The following HPX variants were observed in gnomAD, a reference collection of about 807,000 sequenced individuals.
HPX encodes the protein hemopexin.
A neutral mutation model predicts 53.8 loss-of-function variants in HPX; 42 were observed. The observed-to-expected ratio is 0.78, with a 90% CI of 0.61 to 1.01. The LOEUF is 1.01. Among genes scored for constraint, HPX ranks in the 50% least tolerant of loss-of-function variants. HPX has a pLI of 0.00. For synonymous variants in HPX, 229 were observed against 221.1 expected, an observed-to-expected ratio of 1.04 and a Z score of -0.32; for missense variants, 547 against 594.3, an observed-to-expected ratio of 0.92 and a Z score of 0.83.
chr11:6,434,028 T>G (rs533292093), intron 7 of HPX, among the ~76,000 whole-genome samples: 1 of 152,332 alleles, frequency 6.6e-6, no homozygotes, highest in South Asian at 2.1e-4. Context: ...ACCCTTAATA[T>G]TACCTAAAAT....
chr11:6,432,074 G>A (rs1849358395), intron 7 of HPX, 57 bp from the exon 8 acceptor site: 3 of 1,600,086 alleles, frequency 1.9e-6, no homozygotes, highest in Non-Finnish European at 2.6e-6. Context: ...GCAGAGAAGA[G>A]GCTAGTGATG....
intron 7 of HPX, among the ~76,000 whole-genome samples, chr11:6,436,809 G>T (rs1849422908): frequency 6.6e-6 from 1 of 152,228 alleles, no homozygotes; most frequent in Admixed American, 6.5e-5. Flanking sequence ...TCCACAGGGG[G>T]CACAGCCATG....
At chr11:6,433,628 T>C (rs994458007) in intron 7 of HPX, among the ~76,000 whole-genome samples, 1 of 152,280 alleles carries the variant, frequency 6.6e-6, no homozygotes, top group African/African-American at 2.4e-5. Context: ...CTTGCTTACA[T>C]GCTTGTACTT....
At position 6,431,183 on chromosome 11, in the gene HPX, C is replaced by T; in HGVS notation, c.*28G>A. On this transcript the variant is annotated 3_prime_UTR_variant, in exon 10 of 10. Coordinates refer to ENST00000265983, the MANE Select transcript of HPX (RefSeq NM_000613.3). Reference sequence around the variant, plus strand: ...TATTATGAGGAACTAGGAGGTGGGGCCAGGCCAGACTCATGTCAGAAGGCC... The same window carrying T: ...TATTATGAGGAACTAGGAGGTGGGGTCAGGCCAGACTCATGTCAGAAGGCC... 1.9e-6 allele frequency: 3 copies of T among 1,612,894 alleles called. No individual in the cohort carries two copies. The highest frequency in any genetic ancestry group is 2.5e-6 in the Non-Finnish European group (3 of 1,179,220).
At chr11:6,439,186 G>GC (rs761368943) in intron 4 of HPX, among the ~76,000 whole-genome samples, 1 of 152,224 alleles carries the variant, frequency 6.6e-6, no homozygotes, top group Non-Finnish European at 1.5e-5. Flanking sequence ...GGAGCAGCAT[G>GC]CAGAGCCCAA....
rs200490788 is a variant in HPX at position 6,440,196 on chromosome 11, C to T, written c.305G>A (p.Arg102His). The T allele has an allele frequency of 2.8e-5, 45 of 1,613,960 alleles. 1 individual carries two copies. The South Asian group carries it at 4.0e-4, about 14-fold the overall frequency. The change falls in exon 4 of 10, where the codon CGT becomes CAT. Residue 102 changes from arginine (R) to histidine (H), a missense_variant. Physicochemically the swap from Arg to His is conservative, Grantham distance 29 (BLOSUM62 0). Coordinates refer to ENST00000265983, the MANE Select transcript of HPX (RefSeq NM_000613.3). ...CAGAAAGACACTGTTGTGACCTTGA[C>T]GGAATGCAGCATCCACAGGGCTGGG... ...NFPSPVDAAF[R>H]QGHNSVFLIK... is the part of the protein sequence containing the mutation.
Position 6,431,874 on chromosome 11 carries a change from C to T in HPX, c.966+13G>A, listed in dbSNP as rs1849354514. On this transcript the variant is annotated intron_variant, in intron 8 of 9. Transcript: ENST00000265983. ...TCCCAGTCTCTACCTCAAGCCTCTC[C>T]CCCAATACACACCTGGACCAGATAG... 1 of 1,614,084 alleles carries T rather than the reference C, an allele frequency of 6.2e-7. No homozygotes were observed. The highest frequency in any genetic ancestry group is 8.5e-7 in the Non-Finnish European group (1 of 1,180,020).
rs749705104 is a variant in HPX, at chr11:6,437,579, G to A, written c.564C>T (p.Cys188=). The change falls in exon 6 of 10, where the codon TGC becomes TGT. Residue 188 remains cysteine, a synonymous_variant. Coordinates refer to ENST00000265983, the MANE Select transcript of HPX (RefSeq NM_000613.3). ...GGCCCAGCCATCTCAGGGCAGAGGAGCAGTTCCCAACAGCTGGCCAGGAAC... is the reference window on the plus strand; with the variant it reads ...GGCCCAGCCATCTCAGGGCAGAGGAACAGTTCCCAACAGCTGGCCAGGAAC... ...KERSWPAVGN[C]SSALRWLGRY... 4 of 1,614,236 alleles carry A rather than the reference G, an allele frequency of 2.5e-6. No homozygotes were observed.
intron 7 of HPX, among the ~76,000 whole-genome samples, chr11:6,435,435 TTTTG>T (rs576247536): frequency 1.9e-3 from 294 of 152,056 alleles, no homozygotes; most frequent in Admixed American, 3.9e-3. Flanking sequence ...TATATGGGTT[TTTTG>T]TTTGTTTGTT....
At chr11:6,439,941 T>C (rs1208861465) in intron 4 of HPX, 5 of 601,638 alleles carry the variant, frequency 8.3e-6, no homozygotes, top group Non-Finnish European at 1.2e-5. Flanking sequence ...CAGAGCGGTG[T>C]AGAACTAAGA....
intron 4 of HPX, 51 bp from the exon 5 acceptor site, chr11:6,438,560 C>G (rs368159670): frequency 3.9e-6 from 6 of 1,538,562 alleles, no homozygotes; most frequent in Non-Finnish European, 5.4e-6. Flanking sequence ...GATACTGCCA[C>G]TCTGCATTTA....
intron 7 of HPX, chr11:6,432,322 A>G: frequency 2.4e-6 from 1 of 408,224 alleles, no homozygotes; most frequent in South Asian, 2.7e-5. Flanking sequence ...TCAGGTGTCC[A>G]TGTACAGAGA....
At chr11:6,437,010 T>C in intron 7 of HPX, 36 bp downstream of exon 7, 1 of 1,608,548 alleles carries the variant, frequency 6.2e-7, no homozygotes, top group Non-Finnish European at 8.5e-7. Context: ...AAAAGAGATG[T>C]GAGAGCACAT....
Position 6,438,420 on chromosome 11 carries a change from T to C in HPX, c.426A>G (p.Pro142=). 1 of 1,614,154 alleles carries C rather than the reference T, an allele frequency of 6.2e-7. No individual in the cohort carries two copies. Among genetic ancestry groups the C allele is most frequent in the Non-Finnish European group, 8.5e-7 (1 of 1,179,976 alleles). Residue 142 remains proline (P), a synonymous_variant, in exon 5 of 10, where the codon CCA becomes CCG. Coordinates refer to ENST00000265983, the MANE Select transcript of HPX (RefSeq NM_000613.3). ...GGTGACATTCCACAGCTGCATCCAGTGGGGATGGGATTCCAGGAAATTCAT... is the reference window on the plus strand; with the variant it reads ...GGTGACATTCCACAGCTGCATCCAGCGGGGATGGGATTCCAGGAAATTCAT... The part of the protein sequence containing the change: ...LQDEFPGIPS[P]LDAAVECHRG...
chr11:6,440,388 A>T, intron 3 of HPX, 79 bp downstream of exon 3: 1 of 1,593,374 alleles, frequency 6.3e-7, no homozygotes, highest in Non-Finnish European at 8.6e-7. Context: ...AATTCCTAAG[A>T]CCTCCCACAG....
Position 6,431,893 on chromosome 11 carries a change from C to A in HPX, c.960G>T (p.Leu320=). 6.2e-7 allele frequency: 1 copy of A among 1,614,164 alleles called. No individual in the cohort carries two copies. Among genetic ancestry groups the A allele is most frequent in the Non-Finnish European group, 8.5e-7 (1 of 1,180,034 alleles). The change falls in exon 8 of 10, where the codon CTG becomes CTT. Residue 320 remains leucine, a synonymous_variant. Transcript: ENST00000265983. ...CCTCTCCCCCAATACACACCTGGAC[C>A]AGATAGAGTTTTTCTTCCCAGGAAA... is the stretch of plus-strand genomic sequence containing the variant. ...AAFSWEEKLY[L]VQGTQVYVFL...
chr11:6,436,974 A>G, intron 7 of HPX, 72 bp downstream of exon 7: 1 of 1,515,384 alleles, frequency 6.6e-7, no homozygotes, highest in Non-Finnish European at 9.1e-7. Context: ...CAATGGAGAA[A>G]TGTGTCAAGG....
chr11:6,437,209 A>G (rs1258542302), intron 6 of HPX, 32 bp from the exon 7 acceptor site: 1 of 1,602,178 alleles, frequency 6.2e-7, no homozygotes, highest in Non-Finnish European at 8.5e-7. Flanking sequence ...GAGAACACAG[A>G]AGGAGGCCAG....
chr11:6,439,519 T>A (rs1040645483), intron 4 of HPX: 1 of 154,416 alleles, frequency 6.5e-6, no homozygotes, highest in South Asian at 2.0e-4. Flanking sequence ...GCATAGATAT[T>A]CCTCAGAGCC....
Sources: allele counts gnomAD v4.1 joint callset (sites outside exome capture counted in the v4.1 genomes callset), GRCh38; gene constraint gnomAD v4.1.1; transcripts MANE v1.5; gene names NCBI Gene and HGNC (gene_info 2026-07-23, HGNC 2026-07-21).